The following CARD14 variants were observed in gnomAD, a reference collection of about 807,000 sequenced individuals.
The protein encoded by CARD14 is caspase recruitment domain-containing protein 14.
CARD14 carries 107 observed loss-of-function variants against 111.5 expected under a neutral mutation model. The observed-to-expected ratio is 0.96, with a 90% CI of 0.82 to 1.13. The LOEUF (loss-of-function observed/expected upper bound fraction) is 1.13. Ranked by LOEUF, CARD14 falls within the 50% of genes most tolerant of loss-of-function variation. CARD14 has a pLI of 0.00. For missense variants in CARD14, 1,322 were observed against 1,362.3 expected (o/e 0.97, Z 0.47); for synonymous variants, 617 against 579.6 (o/e 1.06, Z -0.93).
intron 20 of CARD14, 193 bp from the exon 21 acceptor site, chr17:80,204,842 C>T (rs967379264): frequency 3.1e-5 from 17 of 552,982 alleles, no homozygotes; most frequent in Non-Finnish European, 4.5e-5. Context: ...GTGTAACCCC[C>T]GTGCAAAGGA....
chr17:80,204,628 A>G (rs1598708691), intron 20 of CARD14: 1 of 77,676 alleles, frequency 1.3e-5, no homozygotes, highest in Non-Finnish European at 3.5e-5. Context: ...CTGTCTCAGG[A>G]AAAAAAAAAA....
intron 18 of CARD14, 151 bp downstream of exon 18, chr17:80,202,571 A>G: frequency 6.9e-7 from 1 of 1,440,874 alleles, no homozygotes; most frequent in Non-Finnish European, 9.1e-7. Context: ...ATCACTGCTG[A>G]AGATGTTGTT....
Position 80,201,765 on chromosome 17 carries a change from C to T in CARD14, c.1873C>T (p.Pro625Ser), listed in dbSNP as rs2040988522. 6.2e-7 allele frequency: 1 copy of T among 1,613,978 alleles called. No homozygotes were observed. Among genetic ancestry groups the T allele is most frequent in the Non-Finnish European group, 8.5e-7 (1 of 1,179,906 alleles). ...IVMVDYEASE[P>S]LFKAVLEDTT... ...TCAGGTTGATTACGAAGCCTCAGAG[C>T]CCTTGTTCAAGGCAGTCCTGGAGGA... Residue 625 changes from proline to serine, a missense_variant, in exon 17 of 24, where the codon CCC (proline) becomes TCC (serine). Physicochemically the swap from Pro to Ser is moderately conservative, Grantham distance 74. Transcript: ENST00000648509. The surrounding 1 kb of genome is among the most constrained non-coding windows in gnomAD (Gnocchi z 5.0).
At chr17:80,196,798 G>A (rs901459603) in intron 14 of CARD14, 8 of 152,418 alleles carry the variant, frequency 5.2e-5, no homozygotes, top group Non-Finnish European at 1.2e-4. Flanking sequence ...GAGGAGTCTG[G>A]GGTAAGGAGC....
At chr17:80,192,075 C>T (rs904672682) in intron 11 of CARD14, 32 of 157,498 alleles carry the variant, frequency 2.0e-4, no homozygotes, top group Non-Finnish European at 1.7e-4. Flanking sequence ...TGGAAACACA[C>T]GTGTGCACGC....
At chr17:80,205,807 ACTCAT>A (rs2041268858) in intron 22 of CARD14, 155 bp downstream of exon 22, 1 of 673,722 alleles carries the variant, frequency 1.5e-6, no homozygotes, top group Admixed American at 3.3e-5. Flanking sequence ...GGAGCCCAAA[ACTCAT>A]CTCAGCCAGT....
rs1478945546 is a variant in CARD14 at position 80,205,179 on chromosome 17, T to A, written c.2543T>A (p.Leu848His). The change falls in exon 21 of 24, where the codon CTC becomes CAC. Residue 848 changes from leucine (L) to histidine (H), a missense_variant. Leu to His is a moderately conservative substitution (Grantham distance 99, BLOSUM62 -3). Transcript: ENST00000648509. ...GKILSEKLCLLQGFKKCLAEY... is the reference protein window; with the variant it reads ...GKILSEKLCLHQGFKKCLAEY... The stretch of plus-strand genomic sequence containing the variant: ...ATCCTGAGCGAGAAACTGTGCCTCC[T>A]CCAAGGGTTTAAGAAGTGCCTGGCA... 1.2e-6 allele frequency: 2 copies of A among 1,613,584 alleles called. No individual in the cohort carries two copies. The highest frequency in any genetic ancestry group is 1.7e-5 in the Admixed American group (1 of 59,970).
rs1346531461 is a variant in CARD14, at chr17:80,189,791, G to A, written c.882G>A (p.Ala294=). 8.8e-6 allele frequency: 14 copies of A among 1,586,580 alleles called. No individual in the cohort carries two copies. Among genetic ancestry groups the A allele is most frequent in the Admixed American group, 1.9e-5 (1 of 53,600 alleles). ...KDILEQSLDE[A]RGSRQELVER... ...TTCTGGAGCAGAGCCTGGACGAGGC[G>A]CGGGGGAGCCGACAGGAGCTGGTGG... is the stretch of plus-strand genomic sequence containing the variant. The change falls in exon 9 of 24, where the codon GCG becomes GCA. Residue 294 remains alanine, a synonymous_variant. Transcript: ENST00000648509. The surrounding 1 kb of genome is among the most constrained non-coding windows in gnomAD (Gnocchi z 4.7).
chr17:80,205,113 G>A lies in CARD14; in HGVS notation c.2477G>A (p.Arg826Gln), dbSNP rs183322775. 1.4e-5 allele frequency: 23 copies of A among 1,613,580 alleles called. No homozygotes were observed. The highest frequency in any genetic ancestry group is 5.5e-5 in the South Asian group (5 of 91,068). ...YTLVRPHRPA[R>Q]PRPVLLVPRA... ...CTGGTGCGGCCCCATCGACCCGCCC[G>A]GCCCCGGCCTGTGCTCCTCGTGCCC... is the stretch of plus-strand genomic sequence containing the variant. The change falls in exon 21 of 24, where the codon CGG becomes CAG. Residue 826 changes from arginine (R) to glutamine (Q), a missense_variant. Physicochemically the swap from Arg to Gln is conservative, Grantham distance 43 (BLOSUM62 1). Coordinates refer to ENST00000648509, the MANE Select transcript of CARD14 (RefSeq NM_001366385.1).
chr17:80,179,367 C>G (rs892533397), intron 4 of CARD14, 66 bp downstream of exon 4: 2 of 152,180 alleles, frequency 1.3e-5, no homozygotes, highest in Non-Finnish European at 2.9e-5. Context: ...ATGCATGTAT[C>G]AAGCTGCATG....
In CARD14 at chr17:80,188,921, C is replaced by A; in HGVS notation, c.843+377C>A. The A allele has an allele frequency of 6.4e-6, 1 of 156,060 alleles. No individual in the cohort carries two copies. The highest frequency in any genetic ancestry group is 1.4e-5 in the Non-Finnish European group (1 of 70,722). The allele number at this position is 156,060 out of a possible 1,614,324, so 9.7% of individuals were successfully genotyped here. ...CAAAAAGTAGCCGGGCATGGTGGTG[C>A]ACACCTGTGGTCCCAGCTATTCGGG... is the stretch of plus-strand genomic sequence containing the variant. On this transcript the variant is annotated intron_variant, in intron 8 of 23. Transcript: ENST00000648509. The surrounding 1 kb of genome is among the most constrained non-coding windows in gnomAD (Gnocchi z 4.5).
intron 2 of CARD14, among the ~76,000 whole-genome samples, chr17:80,174,183 A>G (rs1173747805): frequency 2.6e-5 from 4 of 152,148 alleles, no homozygotes; most frequent in African/African-American, 9.7e-5. Context: ...AAAACGGAAA[A>G]TACAATAAAA....
At chr17:80,202,450 C>A in intron 18 of CARD14, 30 bp downstream of exon 18, 1 of 1,599,168 alleles carries the variant, frequency 6.3e-7, no homozygotes, top group Non-Finnish European at 8.5e-7. Flanking sequence ...TCGGTGCGTC[C>A]CCAGAGAGGC....
chr17:80,187,382 T>A (rs1050561703), intron 7 of CARD14, among the ~76,000 whole-genome samples: 1 of 152,242 alleles, frequency 6.6e-6, no homozygotes, highest in African/African-American at 2.4e-5. Flanking sequence ...GTATCTTCGT[T>A]CTCTCTGTCC....
In CARD14 at chr17:80,190,774, T is replaced by C. The variant is rs1250965227; in HGVS notation, c.964T>C (p.Tyr322His). 1 of 1,613,972 alleles carries C rather than the reference T, an allele frequency of 6.2e-7. No homozygotes were observed. Among genetic ancestry groups the C allele is most frequent in the African/African-American group, 1.3e-5 (1 of 74,890 alleles). ...GGTCCATGTGTCCCACTCTGTCCAG[T>C]ACTGGGAAGAGAAGGAACAGACCCT... is the stretch of plus-strand genomic sequence containing the variant. ...AVAAERQREQ[Y>H]WEEKEQTLLQ... Residue 322 changes from tyrosine to histidine, a missense_variant and splice_region_variant, in exon 10 of 24, where the codon TAC becomes CAC. By Grantham distance (83) the Tyr-to-His change is moderately conservative. Coordinates refer to ENST00000648509, the MANE Select transcript of CARD14 (RefSeq NM_001366385.1).
rs1598696214 is a variant in CARD14 at position 80,202,265 on chromosome 17, G to A, written c.2064G>A (p.Glu688=). The A allele has an allele frequency of 6.2e-7, 1 of 1,613,906 alleles. No homozygotes were observed. The highest frequency in any genetic ancestry group is 8.5e-7 in the Non-Finnish European group (1 of 1,180,040). ...SFYIRVNLAM[E]GRAKGELQVH... ...ACATCCGGGTCAACCTGGCCATGGA[G>A]GGCAGGGCCAAAGGGGAGCTGCAGG... Residue 688 remains glutamate (E), a synonymous_variant, in exon 18 of 24, where the codon GAG becomes GAA. Coordinates refer to ENST00000648509, the MANE Select transcript of CARD14 (RefSeq NM_001366385.1).
Position 80,204,745 on chromosome 17 carries a change from C to T in CARD14, c.2399-290C>T, listed in dbSNP as rs2041187138. 1.4e-5 allele frequency: 6 copies of T among 430,610 alleles called. No individual in the cohort carries two copies. The South Asian group carries it at 3.4e-4, about 24-fold the overall frequency. The allele number at this position is 430,610 out of a possible 1,614,324, so 26.7% of individuals were successfully genotyped here. ...CCCAGATCCTTTGGAAGGAAGAAAA[C>T]CCTGGCTTCCGCCATCCTCCCTTGG... is the stretch of plus-strand genomic sequence containing the variant. On this transcript the variant is annotated intron_variant, in intron 20 of 23. Coordinates refer to ENST00000648509, the MANE Select transcript of CARD14 (RefSeq NM_001366385.1).
In CARD14 at chr17:80,182,547, G is replaced by C. The variant is rs528692199; in HGVS notation, c.212-106G>C. 5 of 1,340,766 alleles carry C rather than the reference G, an allele frequency of 3.7e-6. No individual in the cohort carries two copies. The highest frequency in any genetic ancestry group is 4.1e-6 in the Non-Finnish European group (4 of 972,290). 83.1% of individuals were successfully genotyped at this position (1,340,766 alleles called of 1,614,324 possible). A position where few individuals can be genotyped will look rare whatever the true frequency, so the allele number is the denominator to read the frequency against. Reference sequence around the variant, plus strand: ...TTCACCTCCCGATTCTTACATGTGCGGGGGGTTTCCCAGCCCCAGGCCTCT... The same window carrying C: ...TTCACCTCCCGATTCTTACATGTGCCGGGGGTTTCCCAGCCCCAGGCCTCT... On this transcript the variant is annotated intron_variant, in intron 5 of 23. Transcript: ENST00000648509. This position sits in a 1 kb window ranked among gnomAD's most constrained non-coding sequence, Gnocchi z 4.7.
chr17:80,188,376 G>A lies in CARD14; in HGVS notation c.676-1G>A, dbSNP rs1032218958. On this transcript the variant is annotated splice_acceptor_variant, in intron 7 of 23. Transcript: ENST00000648509. LOFTEE classifies it high-confidence loss of function. The surrounding 1 kb of genome is among the most constrained non-coding windows in gnomAD (Gnocchi z 4.5). ...CTTCCTGTCGCCTCCCCACCGCACA[G>A]CTGTATCTACTGAAGCAGGAGCTGC... 6.2e-7 allele frequency: 1 copy of A among 1,608,890 alleles called. No individual in the cohort carries two copies. The highest frequency in any genetic ancestry group is 1.1e-5 in the South Asian group (1 of 90,046).
Sources: gnomAD v4.1 joint callset for allele counts (sites outside exome capture counted in the v4.1 genomes callset) on GRCh38, gnomAD v4.1.1 for gene constraint, Gnocchi (gnomAD v3.1) non-coding constraint, MANE v1.5 for transcripts, NCBI Gene and HGNC (gene_info 2026-07-23, HGNC 2026-07-21) for gene names.